CYS1: variants seen among roughly 807,000 people sequenced by gnomAD.
The protein encoded by CYS1 is cystin-1.
CYS1 carries 5 observed loss-of-function variants against 9.6 expected under a neutral mutation model. The ratio of observed to expected loss-of-function variants is 0.52; its 90% CI spans 0.27 to 1.10. The LOEUF is 1.10. CYS1 is among the 50% of genes least tolerant of loss of function. The probability of loss-of-function intolerance (pLI) is 0.11; values close to 1 mark genes in which losing one functional copy is unlikely to be tolerated. For synonymous variants in CYS1, 88 were observed against 95.7 expected (o/e 0.92, Z 0.47); for missense variants, 221 against 207.9 (o/e 1.06, Z -0.39).
intron 1 of CYS1, among the ~76,000 whole-genome samples, chr2:10,078,820 C>A (rs928097379): frequency 6.6e-6 from 1 of 152,152 alleles, no homozygotes; most frequent in Non-Finnish European, 1.5e-5. Context: ...ACTTAAAGAG[C>A]GAGCAGTCAC....
rs148177134 is a variant in CYS1, at chr2:10,076,644, C to G, written c.318+3262G>C. 3.5e-3 allele frequency among the ~76,000 whole-genome samples: 535 copies of G among 152,290 alleles called. 2 individuals are homozygous for G. The highest frequency in any genetic ancestry group is 0.01 in the Middle Eastern group (3 of 294). On this transcript the variant is annotated intron_variant, in intron 1 of 2. Transcript: ENST00000381813. This position sits in a 1 kb window ranked among gnomAD's most constrained non-coding sequence, Gnocchi z 4.3. ...GGCTTCCGGATGTTCTCTTGGTTTT[C>G]TCCCCTTTACTGGCTGTTCTTTAGG...
At chr2:10,064,896 GTT>G (rs77778372) in intron 2 of CYS1, among the ~76,000 whole-genome samples, 2 of 131,784 alleles carry the variant, frequency 1.5e-5, no homozygotes, top group African/African-American at 2.7e-5. Flanking sequence ...TTTTGTTTTT[GTT>G]TTTTTTTTTT....
chr2:10,062,638 G>A (rs535836968), intron 2 of CYS1, among the ~76,000 whole-genome samples: 2 of 152,152 alleles, frequency 1.3e-5, no homozygotes, highest in African/African-American at 2.4e-5. Flanking sequence ...CTTGACCTCA[G>A]GTGATCTGCC....
At chr2:10,067,408 T>TG (rs1661713122) in intron 1 of CYS1, among the ~76,000 whole-genome samples, 1 of 80,230 alleles carries the variant, frequency 1.2e-5, no homozygotes, top group Non-Finnish European at 3.0e-5. Context: ...ATTCTTTTCT[T>TG]TTTTTTTTTT....
Position 10,080,339 on chromosome 2 carries a change from G to A in CYS1, c.-116C>T. 1.6e-6 allele frequency: 1 copy of A among 628,654 alleles called. No individual in the cohort carries two copies. Among genetic ancestry groups the A allele is most frequent in the Non-Finnish European group, 2.0e-6 (1 of 501,784 alleles). The allele number at this position is 628,654 out of a possible 1,614,324, so 38.9% of individuals were successfully genotyped here. A position where few individuals can be genotyped will look rare whatever the true frequency, so the allele number is the denominator to read the frequency against. Reference sequence around the variant, plus strand: ...GCTGCAGGGGGAGGCGCGGGGCGAGGTCCGGGAAGCGACCGCGGCCAGGGG... The same window carrying A: ...GCTGCAGGGGGAGGCGCGGGGCGAGATCCGGGAAGCGACCGCGGCCAGGGG... On this transcript the variant is annotated 5_prime_UTR_variant, in exon 1 of 3. Coordinates refer to ENST00000381813, the MANE Select transcript of CYS1 (RefSeq NM_001037160.3). The surrounding 1 kb of genome is among the most constrained non-coding windows in gnomAD (Gnocchi z 6.4).
Position 10,080,364 on chromosome 2 carries a change from G to A in CYS1, c.-141C>T, listed in dbSNP as rs1008243377. ...GTCCGGGAAGCGACCGCGGCCAGGG[G>A]CTAGGGTTCCCGGGCGGGGGTCGCG... On this transcript the variant is annotated 5_prime_UTR_variant, in exon 1 of 3. Coordinates refer to ENST00000381813, the MANE Select transcript of CYS1 (RefSeq NM_001037160.3). This position sits in a 1 kb window ranked among gnomAD's most constrained non-coding sequence, Gnocchi z 6.4. The A allele has an allele frequency of 1.0e-4, 39 of 387,956 alleles. No individual in the cohort carries two copies. Among genetic ancestry groups the A allele is most frequent in the African/African-American group, 8.4e-4 (38 of 45,498 alleles). The allele number at this position is 387,956 out of a possible 1,614,324, so 24.0% of individuals were successfully genotyped here. A position where few individuals can be genotyped will look rare whatever the true frequency, so the allele number is the denominator to read the frequency against.
chr2:10,059,746 C>T (rs1235950083), intron 2 of CYS1, among the ~76,000 whole-genome samples: 2 of 152,228 alleles, frequency 1.3e-5, no homozygotes, highest in Non-Finnish European at 2.9e-5. Flanking sequence ...GGCTGCTTGC[C>T]GACATCGGTC....
intron 1 of CYS1, among the ~76,000 whole-genome samples, chr2:10,075,833 A>G (rs963391732): frequency 6.6e-6 from 1 of 152,226 alleles, no homozygotes; most frequent in Non-Finnish European, 1.5e-5. Flanking sequence ...CTTGACCTTG[A>G]GTGACCCAGG....
At chr2:10,069,565 C>T (rs1661738143) in intron 1 of CYS1, among the ~76,000 whole-genome samples, 1 of 152,102 alleles carries the variant, frequency 6.6e-6, no homozygotes, top group African/African-American at 2.4e-5. Context: ...GACAGGGTTT[C>T]ACCATGTTGG....
At chr2:10,069,818 G>A (rs1572458115) in intron 1 of CYS1, among the ~76,000 whole-genome samples, 1 of 152,306 alleles carries the variant, frequency 6.6e-6, no homozygotes. Flanking sequence ...GACATAAATT[G>A]AGCGATCAGA....
chr2:10,061,916 G>A (rs544577753), intron 2 of CYS1, among the ~76,000 whole-genome samples: 3 of 152,152 alleles, frequency 2.0e-5, no homozygotes, highest in African/African-American at 7.2e-5. Context: ...GGATTCTTGG[G>A]AAGTCTCACC....
intron 1 of CYS1, among the ~76,000 whole-genome samples, chr2:10,078,903 G>A (rs1273938973): frequency 6.6e-6 from 1 of 152,174 alleles, no homozygotes; most frequent in African/African-American, 2.4e-5. Context: ...TTTCACCTCC[G>A]AGTTTCCAAA....
At chr2:10,066,559 T>C (rs12466448) in intron 1 of CYS1, among the ~76,000 whole-genome samples, 45,748 of 152,174 alleles carry the variant, frequency 0.3, 7,366 homozygotes, top group East Asian at 0.62. Flanking sequence ...AGTCCACTTG[T>C]CTACCCGTGC....
chr2:10,069,316 G>A (rs1189112793), intron 1 of CYS1, among the ~76,000 whole-genome samples: 2 of 152,114 alleles, frequency 1.3e-5, no homozygotes, highest in Admixed American at 6.6e-5. Flanking sequence ...AAGACTTAGA[G>A]TTTATCTCCT....
intron 1 of CYS1, among the ~76,000 whole-genome samples, 198 bp from the exon 2 acceptor site, chr2:10,066,154 C>G (rs542085294): frequency 6.6e-6 from 1 of 152,198 alleles, no homozygotes; most frequent in African/African-American, 2.4e-5. Context: ...AAAAAGAAAG[C>G]GACTTGGAAA....
chr2:10,059,237 G>T (rs1444052212), intron 2 of CYS1, among the ~76,000 whole-genome samples: 1 of 152,286 alleles, frequency 6.6e-6, no homozygotes, highest in East Asian at 1.9e-4. Flanking sequence ...GACCGAGCTT[G>T]AATCCCAGCT....
Position 10,079,969 on chromosome 2 carries a change from GC to G in CYS1, c.254del (p.Gly85AlafsTer64). 9.0e-7 allele frequency: 1 copy of G among 1,107,240 alleles called. No homozygotes were observed. Among genetic ancestry groups the G allele is most frequent in the Non-Finnish European group, 1.1e-6 (1 of 908,574 alleles). 68.6% of individuals were successfully genotyped at this position (1,107,240 alleles called of 1,614,324 possible). ...GGCGGCGCGGGGCGGGCTCCGGGGG[GC>G]CCCAGGCCGCCGACTCGGCCAGCAG... ...DELLAESAAW[G>X]PPEPAPRRPA... is the part of the protein sequence containing the mutation. On this transcript the variant is annotated frameshift_variant, in exon 1 of 3. Transcript: ENST00000381813. LOFTEE classifies it high-confidence loss of function.
chr2:10,080,120 CG>C lies in CYS1; in HGVS notation c.103del (p.Arg35AlafsTer114). On this transcript the variant is annotated frameshift_variant, in exon 1 of 3. Transcript: ENST00000381813. LOFTEE classifies it high-confidence loss of function. This position sits in a 1 kb window ranked among gnomAD's most constrained non-coding sequence, Gnocchi z 6.4. ...GGCCGCCGCCACCGGCACCCGCCGG[CG>C]GGTCCCGCCCTCCAGGGCTGCCGCT... ...PGAAALEGGT[R>X]RRVPVAAAEV... is the part of the protein sequence containing the mutation. 1 of 1,026,988 alleles carries C rather than the reference CG, an allele frequency of 9.7e-7. No individual in the cohort carries two copies. Among genetic ancestry groups the C allele is most frequent in the Non-Finnish European group, 1.2e-6 (1 of 858,614 alleles). 63.6% of individuals were successfully genotyped at this position (1,026,988 alleles called of 1,614,324 possible).
chr2:10,074,385 T>TCA (rs1434012418), intron 1 of CYS1, among the ~76,000 whole-genome samples: 1 of 152,132 alleles, frequency 6.6e-6, no homozygotes, highest in Non-Finnish European at 1.5e-5. Context: ...GTGGCTCACC[T>TCA]CACCTCCTCC....
Sources: allele counts gnomAD v4.1 joint callset (sites outside exome capture counted in the v4.1 genomes callset), GRCh38; gene constraint gnomAD v4.1.1; non-coding constraint Gnocchi (gnomAD v3.1); transcripts MANE v1.5; gene names NCBI Gene and HGNC (gene_info 2026-07-23, HGNC 2026-07-21).